ZBTB20: variants seen among roughly 807,000 people sequenced by gnomAD.
ZBTB20 encodes zinc finger and BTB domain-containing protein 20.
ZBTB20 carries 9 observed loss-of-function variants against 56.9 expected under a neutral mutation model. The observed-to-expected ratio is 0.16, with a 90% CI of 0.10 to 0.28. ZBTB20 has a LOEUF of 0.28. ZBTB20 is among the 10% of genes least tolerant of loss of function. The pLI, the probability that ZBTB20 is intolerant of heterozygous loss-of-function variation, is 1.00. For missense variants in ZBTB20, 655 were observed against 1,003.0 expected, an observed-to-expected ratio of 0.65 and a Z score of 4.69; for synonymous variants, 417 against 420.7, an observed-to-expected ratio of 0.99 and a Z score of 0.11.
chr3:114,847,654 T>C (rs1335517533), intron 4 of ZBTB20, among the ~76,000 whole-genome samples: 1 of 151,982 alleles, frequency 6.6e-6, no homozygotes, highest in Non-Finnish European at 1.5e-5. Context: ...GAGGTTTGCA[T>C]GTGTGTGTTT....
chr3:114,610,134 C>T (rs533468696), intron 6 of ZBTB20, among the ~76,000 whole-genome samples: 12 of 152,244 alleles, frequency 7.9e-5, no homozygotes, highest in African/African-American at 1.2e-4. Context: ...GGTTTTGACC[C>T]GCAGTTCTTG....
chr3:114,516,141 T>A (rs1244868204), intron 6 of ZBTB20, among the ~76,000 whole-genome samples: 2 of 152,148 alleles, frequency 1.3e-5, no homozygotes, highest in African/African-American at 4.8e-5. Context: ...ATAAAATTCA[T>A]CCTTGCTATA....
chr3:114,853,707 A>G (rs994781798), intron 4 of ZBTB20, among the ~76,000 whole-genome samples: 1 of 152,232 alleles, frequency 6.6e-6, no homozygotes, highest in African/African-American at 2.4e-5. Flanking sequence ...AATCTAAACT[A>G]AACTTTAGAC....
chr3:114,327,946 G>C lies in ZBTB20; in HGVS notation c.*11059C>G, dbSNP rs995348056. ...TCCTGAAAAGGATACACCCAGAATGGTATCAGTCAGTCTTTTGGGCAATGC... is the reference window on the plus strand; with the variant it reads ...TCCTGAAAAGGATACACCCAGAATGCTATCAGTCAGTCTTTTGGGCAATGC... On this transcript the variant is annotated 3_prime_UTR_variant, in exon 12 of 12. Coordinates refer to ENST00000675478, the MANE Select transcript of ZBTB20 (RefSeq NM_001348800.3). 6.6e-6 allele frequency: 1 copy of C among 152,128 alleles called. No homozygotes were observed. The allele number at this position is 152,128 out of a possible 1,614,324, so 9.4% of individuals were successfully genotyped here.
chr3:114,351,694 G>A lies in ZBTB20; in HGVS notation c.384C>T (p.Phe128=). ...AGCCAAGCAGCAGTTTGTCCTGGAA[G>A]AAGGGGCTGCCGGCTGCCAGCACGC... ...HRCVLAAGSP[F]FQDKLLLGYS... is the part of the protein sequence containing the mutation. Residue 128 remains phenylalanine, a synonymous_variant, in exon 11 of 12, where the codon TTC becomes TTT. Coordinates refer to ENST00000675478, the MANE Select transcript of ZBTB20 (RefSeq NM_001348800.3). The A allele has an allele frequency of 6.2e-7, 1 of 1,614,112 alleles. No homozygotes were observed. Among genetic ancestry groups the A allele is most frequent in the Non-Finnish European group, 8.5e-7 (1 of 1,180,030 alleles).
At chr3:114,841,054 A>C (rs1481885753) in intron 4 of ZBTB20, among the ~76,000 whole-genome samples, 1 of 152,164 alleles carries the variant, frequency 6.6e-6, no homozygotes, top group Non-Finnish European at 1.5e-5. Context: ...TGCCTAGTAA[A>C]TGTCAGGCAT....
chr3:114,976,641 A>T (rs2078113301), intron 2 of ZBTB20, among the ~76,000 whole-genome samples: 1 of 151,990 alleles, frequency 6.6e-6, no homozygotes, highest in East Asian at 1.9e-4. Context: ...AAAAAAAAAA[A>T]TCTGAAGGAC....
At chr3:114,655,541 C>T (rs2060363158) in intron 6 of ZBTB20, among the ~76,000 whole-genome samples, 1 of 152,112 alleles carries the variant, frequency 6.6e-6, no homozygotes, top group African/African-American at 2.4e-5. Context: ...CGTGAGCCAC[C>T]GCGCCCGGCC....
intron 5 of ZBTB20, among the ~76,000 whole-genome samples, chr3:114,735,203 TA>T (rs1300614096): frequency 1.3e-5 from 2 of 152,172 alleles, no homozygotes; most frequent in Non-Finnish European, 1.5e-5. Context: ...ATATGATAAA[TA>T]ATCTGAATTT....
chr3:114,359,707 A>T (rs2081606211), intron 10 of ZBTB20, among the ~76,000 whole-genome samples: 1 of 152,260 alleles, frequency 6.6e-6, no homozygotes, highest in Non-Finnish European at 1.5e-5. Context: ...GAACCAAAGG[A>T]TCTACTTAAA....
chr3:114,702,122 G>C (rs1365116222), intron 5 of ZBTB20, among the ~76,000 whole-genome samples: 1 of 152,112 alleles, frequency 6.6e-6, no homozygotes, highest in Non-Finnish European at 1.5e-5. Context: ...TGCATGGCTT[G>C]AGCCCAGGAG....
chr3:114,921,046 T>C (rs2075938513), intron 3 of ZBTB20, among the ~76,000 whole-genome samples: 2 of 152,076 alleles, frequency 1.3e-5, no homozygotes, highest in African/African-American at 4.8e-5. Flanking sequence ...AATAATAAAA[T>C]TCGGAACAGA....
intron 4 of ZBTB20, among the ~76,000 whole-genome samples, chr3:114,863,496 A>G (rs888971653): frequency 1.3e-5 from 2 of 152,126 alleles, no homozygotes; most frequent in African/African-American, 2.4e-5. Flanking sequence ...AGAGATTAAT[A>G]AAGTCTTTGG....
At chr3:114,820,536 C>T (rs1282494741) in intron 4 of ZBTB20, among the ~76,000 whole-genome samples, 4 of 151,902 alleles carry the variant, frequency 2.6e-5, no homozygotes, top group African/African-American at 9.7e-5. Context: ...TTGACACATC[C>T]TTTCAACAAG....
At chr3:114,554,481 C>A (rs2050960468) in intron 6 of ZBTB20, among the ~76,000 whole-genome samples, 1 of 152,066 alleles carries the variant, frequency 6.6e-6, no homozygotes, top group African/African-American at 2.4e-5. Flanking sequence ...ATACCTTGGG[C>A]AACACTGAGA....
At chr3:114,601,573 AGAT>A (rs981429468) in intron 6 of ZBTB20, among the ~76,000 whole-genome samples, 5 of 152,048 alleles carry the variant, frequency 3.3e-5, no homozygotes, top group Non-Finnish European at 5.9e-5. Flanking sequence ...GCAAATAAAT[AGAT>A]GATAGATGAT....
intron 7 of ZBTB20, among the ~76,000 whole-genome samples, chr3:114,450,271 T>C (rs527909108): frequency 6.6e-6 from 1 of 152,320 alleles, no homozygotes; most frequent in Admixed American, 6.5e-5. Flanking sequence ...AGCAGGCAAT[T>C]TAAAAATATT....
At chr3:114,941,178 A>G (rs1018830840) in intron 3 of ZBTB20, among the ~76,000 whole-genome samples, 1 of 146,396 alleles carries the variant, frequency 6.8e-6, no homozygotes, top group Non-Finnish European at 1.5e-5. Flanking sequence ...AATCAGCACT[A>G]ATAATGATGG....
intron 1 of ZBTB20, among the ~76,000 whole-genome samples, chr3:115,080,031 C>A (rs568804936): frequency 1.3e-5 from 2 of 152,022 alleles, no homozygotes; most frequent in African/African-American, 4.8e-5. Flanking sequence ...ATGTTCATGC[C>A]CAAATTTATA....
Sources: allele counts gnomAD v4.1 joint callset (sites outside exome capture counted in the v4.1 genomes callset), GRCh38; gene constraint gnomAD v4.1.1; transcripts MANE v1.5; gene names NCBI Gene and HGNC (gene_info 2026-07-23, HGNC 2026-07-21).